TNRC6B: variants seen among roughly 807,000 people sequenced by gnomAD.
The protein encoded by TNRC6B is trinucleotide repeat containing adaptor 6B.
In TNRC6B, 52 loss-of-function variants were observed where a neutral mutation model predicts 203.6. The observed-to-expected ratio is 0.26, with a 90% CI of 0.20 to 0.32. The LOEUF (loss-of-function observed/expected upper bound fraction) is 0.32. Among genes scored for constraint, TNRC6B ranks in the 10% least tolerant of loss-of-function variants. The pLI, the probability that TNRC6B is intolerant of heterozygous loss-of-function variation, is 1.00. For missense variants in TNRC6B, 1,923 were observed against 2,286.2 expected (o/e 0.84, Z 3.24); for synonymous variants, 838 against 845.7 (o/e 0.99, Z 0.16).
At chr22:40,111,965 G>A (rs1472501016) in intron 1 of TNRC6B, among the ~76,000 whole-genome samples, 1 of 152,204 alleles carries the variant, frequency 6.6e-6, no homozygotes, top group Non-Finnish European at 1.5e-5. Context: ...GCTGAGTGCG[G>A]TGGCAGGCGC....
chr22:40,270,608 G>T (rs1391027786), intron 6 of TNRC6B, among the ~76,000 whole-genome samples: 2 of 152,046 alleles, frequency 1.3e-5, no homozygotes, highest in African/African-American at 4.8e-5. Context: ...GTGAGCCACC[G>T]TGCCCGGCCG....
chr22:40,102,021 G>A (rs1412815045), intron 1 of TNRC6B, among the ~76,000 whole-genome samples: 1 of 152,100 alleles, frequency 6.6e-6, no homozygotes. Context: ...AGTTTGGATA[G>A]CATTTTAGGA....
chr22:40,106,625 A>G, intron 1 of TNRC6B: 1 of 730,078 alleles, frequency 1.4e-6, no homozygotes, highest in Non-Finnish European at 2.5e-6. Context: ...TAGTGACTTT[A>G]GATTTGGGTA....
intron 12 of TNRC6B, among the ~76,000 whole-genome samples, chr22:40,298,811 C>A (rs1052360417): frequency 2.6e-5 from 4 of 151,714 alleles, no homozygotes; most frequent in African/African-American, 9.7e-5. Context: ...CTAAAAATAC[C>A]AAAAATTAGC....
chr22:40,278,295 C>T (rs1274082784), intron 9 of TNRC6B, among the ~76,000 whole-genome samples: 1 of 150,892 alleles, frequency 6.6e-6, no homozygotes, highest in Non-Finnish European at 1.5e-5. Context: ...CATGGTGGCT[C>T]ATGCCTGTAA....
intron 5 of TNRC6B, among the ~76,000 whole-genome samples, chr22:40,269,421 T>C (rs1199613797): frequency 1.3e-5 from 2 of 152,048 alleles, no homozygotes; most frequent in East Asian, 1.9e-4. Context: ...GCGTGAGCCA[T>C]TGTGCCTGGC....
intron 3 of TNRC6B, among the ~76,000 whole-genome samples, chr22:40,146,561 A>ATTTTTTT (rs59901929): frequency 9.2e-6 from 1 of 109,238 alleles, no homozygotes; most frequent in Non-Finnish European, 1.8e-5. Context: ...CGCCCGGCTA[A>ATTTTTTT]TTTTTTTTTT....
intron 12 of TNRC6B, among the ~76,000 whole-genome samples, chr22:40,287,993 G>C (rs1197253059): frequency 2.0e-5 from 3 of 152,240 alleles, no homozygotes; most frequent in Non-Finnish European, 4.4e-5. Flanking sequence ...TAAGCAGCAG[G>C]AGCCTCATGT....
chr22:40,170,856 T>TAC (rs1202713108), intron 4 of TNRC6B, among the ~76,000 whole-genome samples: 3 of 121,404 alleles, frequency 2.5e-5, no homozygotes, highest in African/African-American at 1.0e-4. Context: ...TATGTGTGTA[T>TAC]ATATACATAT....
chr22:40,280,022 T>C lies in TNRC6B; in HGVS notation c.3290T>C (p.Val1097Ala). ...VGSLSDKKFD[V>A]DKRAMNLGDF... Reference sequence around the variant, plus strand: ...AGCCTTTCAGATAAAAAATTTGATGTGGACAAGCGAGCGATGAATCTCGGG... The same window carrying C: ...AGCCTTTCAGATAAAAAATTTGATGCGGACAAGCGAGCGATGAATCTCGGG... The change falls in exon 10 of 23, where the codon GTG becomes GCG. Residue 1097 changes from valine (V) to alanine (A), a missense_variant. This residue lies in a region of TNRC6B where 599 missense variants were observed against 656.5 expected (regional missense o/e 0.91). Coordinates refer to ENST00000454349, the MANE Select transcript of TNRC6B (RefSeq NM_001162501.2). 1 of 1,613,890 alleles carries C rather than the reference T, an allele frequency of 6.2e-7. No individual in the cohort carries two copies.
intron 4 of TNRC6B, among the ~76,000 whole-genome samples, chr22:40,163,930 G>A (rs1248446149): frequency 6.6e-6 from 1 of 152,016 alleles, no homozygotes; most frequent in Admixed American, 6.6e-5. Flanking sequence ...GCTCTATGAG[G>A]ATGGATTTCT....
At chr22:40,077,443 C>G (rs1402654089) in intron 1 of TNRC6B, among the ~76,000 whole-genome samples, 2 of 152,138 alleles carry the variant, frequency 1.3e-5, no homozygotes, top group Non-Finnish European at 2.9e-5. Context: ...TCATCGTGGC[C>G]TGAAGCAGAA....
intron 4 of TNRC6B, among the ~76,000 whole-genome samples, chr22:40,172,101 A>G (rs906373016): frequency 3.3e-5 from 5 of 151,922 alleles, no homozygotes; most frequent in Admixed American, 6.6e-5. Context: ...GCTGGCCTCG[A>G]ACTCCTGACC....
At chr22:40,097,716 T>A (rs921099055) in intron 1 of TNRC6B, among the ~76,000 whole-genome samples, 6 of 138,872 alleles carry the variant, frequency 4.3e-5, no homozygotes, top group South Asian at 2.4e-4. Context: ...ACACACACAC[T>A]GTATTATACA....
intron 1 of TNRC6B, among the ~76,000 whole-genome samples, chr22:40,214,155 TAC>T (rs2146425517): frequency 6.6e-6 from 1 of 152,142 alleles, no homozygotes; most frequent in Non-Finnish European, 1.5e-5. Context: ...TAGCCCCAGC[TAC>T]TCGGGAGGCT....
intron 1 of TNRC6B, among the ~76,000 whole-genome samples, chr22:40,229,586 C>G (rs2069839386): frequency 6.6e-6 from 1 of 151,998 alleles, no homozygotes; most frequent in Non-Finnish European, 1.5e-5. Context: ...TCTCCTCTTG[C>G]CCATTTATCA....
At chr22:40,075,637 GGTTTAA>G (rs1301144004) in intron 1 of TNRC6B, among the ~76,000 whole-genome samples, 1 of 151,484 alleles carries the variant, frequency 6.6e-6, no homozygotes, top group Non-Finnish European at 1.5e-5. Flanking sequence ...AATATGGTTG[GGTTTAA>G]GTTTATCATT....
chr22:40,225,492 G>A (rs1211428678), intron 1 of TNRC6B, among the ~76,000 whole-genome samples: 1 of 152,204 alleles, frequency 6.6e-6, no homozygotes, highest in African/African-American at 2.4e-5. Flanking sequence ...ACTTCGGGAG[G>A]CTGAGGTGGG....
chr22:40,285,761 T>C lies in TNRC6B; in HGVS notation c.3699T>C (p.Ile1233=), dbSNP rs751231555. The C allele has an allele frequency of 6.2e-7, 1 of 1,613,722 alleles. No individual in the cohort carries two copies. Among genetic ancestry groups the C allele is most frequent in the East Asian group, 2.2e-5 (1 of 44,858 alleles). The change falls in exon 12 of 23, where the codon ATT becomes ATC. Residue 1233 remains isoleucine, a synonymous_variant. Transcript: ENST00000454349. ...GGGCGCAAGTGCCTCCCCAGTTTATTTCCCCCCAGGTAAGCAATTTTACGT... is the reference window on the plus strand; with the variant it reads ...GGGCGCAAGTGCCTCCCCAGTTTATCTCCCCCCAGGTAAGCAATTTTACGT... The part of the protein sequence containing the change: ...SLRAQVPPQF[I]SPQVSASMLK...
Sources: gnomAD v4.1 joint callset for allele counts (sites outside exome capture counted in the v4.1 genomes callset) on GRCh38, gnomAD v4.1.1 for gene constraint, gnomAD v4.1.1 regional missense constraint, MANE v1.5 for transcripts, NCBI Gene and HGNC (gene_info 2026-07-23, HGNC 2026-07-21) for gene names.